The following BFSP2 variants were observed in gnomAD, a reference collection of about 807,000 sequenced individuals.
BFSP2 encodes beaded filament structural protein 2.
In BFSP2, 38 loss-of-function variants were observed where a neutral mutation model predicts 44.9. The observed-to-expected ratio is 0.85, with a 90% CI of 0.65 to 1.11. The LOEUF is 1.11. Ranked by LOEUF, BFSP2 falls within the 50% of genes least tolerant of loss-of-function variation. BFSP2 has a pLI of 0.00. For missense variants in BFSP2, 525 were observed against 533.0 expected (o/e 0.99, Z 0.15); for synonymous variants, 197 against 209.9 (o/e 0.94, Z 0.53).
intron 1 of BFSP2, among the ~76,000 whole-genome samples, chr3:133,401,173 G>A (rs1022606304): frequency 6.6e-6 from 1 of 152,184 alleles, no homozygotes; most frequent in Non-Finnish European, 1.5e-5. Context: ...AGCAGGTGAA[G>A]TTAATATTAT....
At position 133,447,409 on chromosome 3, in the gene BFSP2, T is replaced by TA. The variant is rs779134190; in HGVS notation, c.572+11dup. ...ATGACTTTAAAGAGAGGTAATGTCT[T>TA]ACAGCAGAGGCGACAGTCCCTCCAC... is the stretch of plus-strand genomic sequence containing the variant. On this transcript the variant is annotated intron_variant, in intron 2 of 6. Transcript: ENST00000302334. 1.1e-4 allele frequency: 176 copies of TA among 1,613,202 alleles called. No individual in the cohort carries two copies. The highest frequency in any genetic ancestry group is 4.9e-4 in the Middle Eastern group (3 of 6,076).
chr3:133,430,759 CT>C (rs1243087141), intron 1 of BFSP2, among the ~76,000 whole-genome samples: 1 of 152,096 alleles, frequency 6.6e-6, no homozygotes. Context: ...CCAAGCGTCG[CT>C]GAGTCTTTCT....
chr3:133,417,769 C>G (rs2073555175), intron 1 of BFSP2, among the ~76,000 whole-genome samples: 1 of 144,144 alleles, frequency 6.9e-6, no homozygotes, highest in African/African-American at 2.6e-5. Flanking sequence ...TCTGTCACCT[C>G]TCCTCTATTC....
chr3:133,465,087 C>A (rs2074098074), intron 4 of BFSP2, among the ~76,000 whole-genome samples: 1 of 150,978 alleles, frequency 6.6e-6, no homozygotes, highest in Admixed American at 6.6e-5. Flanking sequence ...CTCACTGCAA[C>A]CTCCGCCTCC....
intron 1 of BFSP2, among the ~76,000 whole-genome samples, chr3:133,430,424 CCTGA>C (rs1247297715): frequency 1.3e-5 from 2 of 151,892 alleles, no homozygotes; most frequent in East Asian, 3.9e-4. Context: ...CCTGTTGTTT[CCTGA>C]CTTTTTAATG....
Position 133,450,432 on chromosome 3 carries a change from C to G in BFSP2, c.859C>G (p.Arg287Gly). ...GTGGGAGAGAGATGTTGAAAAGAAC[C>G]GGGTGGAGGCAGGAGCCCTGCTCCA... ...IQWERDVEKN[R>G]VEAGALLQAK... Residue 287 changes from arginine (R) to glycine (G), a missense_variant, in exon 4 of 7, where the codon CGG becomes GGG. Coordinates refer to ENST00000302334, the MANE Select transcript of BFSP2 (RefSeq NM_003571.4). 6.2e-7 allele frequency: 1 copy of G among 1,613,976 alleles called. No homozygotes were observed. Among genetic ancestry groups the G allele is most frequent in the Non-Finnish European group, 8.5e-7 (1 of 1,179,978 alleles).
rs764739383 is a variant in BFSP2, at chr3:133,400,327, A to C, written c.244A>C (p.Ser82Arg). The change falls in exon 1 of 7, where the codon AGT becomes CGT. Residue 82 changes from serine (S) to arginine (R), a missense_variant. By Grantham distance (110) the Ser-to-Arg change is moderately radical. Transcript: ENST00000302334. This position sits in a 1 kb window ranked among gnomAD's most constrained non-coding sequence, Gnocchi z 4.0. ...GACCCGCCGGGCCCTCGGCATCAGC[A>C]GTGTCTTCCTTCAGGGCCTGCGGAG... is the stretch of plus-strand genomic sequence containing the variant. ...RVTRRALGISSVFLQGLRSSG... is the reference protein window; with the variant it reads ...RVTRRALGISRVFLQGLRSSG... 6.2e-7 allele frequency: 1 copy of C among 1,613,996 alleles called. No homozygotes were observed. The highest frequency in any genetic ancestry group is 8.5e-7 in the Non-Finnish European group (1 of 1,180,028).
At chr3:133,435,969 C>G (rs2073777261) in intron 1 of BFSP2, among the ~76,000 whole-genome samples, 1 of 152,106 alleles carries the variant, frequency 6.6e-6, no homozygotes, top group African/African-American at 2.4e-5. Context: ...GGGGCTCTTT[C>G]CAAACTGATG....
chr3:133,401,101 A>G (rs1237470588), intron 1 of BFSP2, among the ~76,000 whole-genome samples: 2 of 152,230 alleles, frequency 1.3e-5, no homozygotes, highest in East Asian at 3.8e-4. Flanking sequence ...TGTTCAATAG[A>G]AATATGAACT....
chr3:133,466,030 C>T (rs1034439317), intron 4 of BFSP2, among the ~76,000 whole-genome samples: 1 of 152,174 alleles, frequency 6.6e-6, no homozygotes, highest in Admixed American at 6.5e-5. Context: ...AGAATGTACT[C>T]AATTTCTATT....
Position 133,475,130 on chromosome 3 carries a change from C to A in BFSP2, c.*158C>A, listed in dbSNP as rs1410287249. The A allele has an allele frequency of 1.0e-6, 1 of 986,298 alleles. No homozygotes were observed. Among genetic ancestry groups the A allele is most frequent in the Non-Finnish European group, 1.6e-6 (1 of 626,452 alleles). The allele number at this position is 986,298 out of a possible 1,614,324, so 61.1% of individuals were successfully genotyped here. On this transcript the variant is annotated 3_prime_UTR_variant, in exon 7 of 7. Coordinates refer to ENST00000302334, the MANE Select transcript of BFSP2 (RefSeq NM_003571.4). Reference sequence around the variant, plus strand: ...CTTCCTGGAAGTGGAGAGGATCCTTCTGCTTTAATCTGAGTAGTCTGTAGC... The same window carrying A: ...CTTCCTGGAAGTGGAGAGGATCCTTATGCTTTAATCTGAGTAGTCTGTAGC...
chr3:133,453,847 A>G (rs774399509), intron 4 of BFSP2, among the ~76,000 whole-genome samples: 3 of 152,238 alleles, frequency 2.0e-5, no homozygotes, highest in Admixed American at 6.5e-5. Context: ...TAAAAGCTTA[A>G]TAAAATAGAG....
intron 1 of BFSP2, among the ~76,000 whole-genome samples, chr3:133,404,451 C>A (rs1409019331): frequency 6.6e-6 from 1 of 152,064 alleles, no homozygotes; most frequent in Non-Finnish European, 1.5e-5. Flanking sequence ...GCACTGAGGT[C>A]GTAATATTCT....
At chr3:133,430,282 G>A (rs1285603346) in intron 1 of BFSP2, among the ~76,000 whole-genome samples, 3 of 151,788 alleles carry the variant, frequency 2.0e-5, no homozygotes, top group East Asian at 3.9e-4. Context: ...GTAACGGGAT[G>A]GCTGGGTCAA....
At chr3:133,469,939 C>A (rs1174923792) in intron 5 of BFSP2, among the ~76,000 whole-genome samples, 7 of 152,212 alleles carry the variant, frequency 4.6e-5, no homozygotes, top group Admixed American at 1.3e-4. Context: ...GATGATCCAA[C>A]CGTGATTCTG....
At chr3:133,444,573 T>C (rs2073879100) in intron 1 of BFSP2, among the ~76,000 whole-genome samples, 1 of 152,158 alleles carries the variant, frequency 6.6e-6, no homozygotes, top group Non-Finnish European at 1.5e-5. Context: ...GTGACTCAGA[T>C]GCAGGAACCA....
chr3:133,415,352 CTA>C (rs1468745865), intron 1 of BFSP2, among the ~76,000 whole-genome samples: 4 of 62,790 alleles, frequency 6.4e-5, no homozygotes, highest in Non-Finnish European at 6.3e-5. Flanking sequence ...CCTCTCCCCT[CTA>C]CTCACCCCTC....
chr3:133,435,426 A>C (rs906765435), intron 1 of BFSP2, among the ~76,000 whole-genome samples: 2 of 152,128 alleles, frequency 1.3e-5, no homozygotes, highest in African/African-American at 4.8e-5. Context: ...TTTGCTAGCC[A>C]TTTCTTTGAT....
chr3:133,435,134 G>A (rs1425361321), intron 1 of BFSP2, among the ~76,000 whole-genome samples: 3 of 152,176 alleles, frequency 2.0e-5, no homozygotes, highest in Non-Finnish European at 2.9e-5. Context: ...TAAGGTGGAC[G>A]CCTAATGATT....
Sources: allele counts gnomAD v4.1 joint callset (sites outside exome capture counted in the v4.1 genomes callset), GRCh38; gene constraint gnomAD v4.1.1; non-coding constraint Gnocchi (gnomAD v3.1); transcripts MANE v1.5; gene names NCBI Gene and HGNC (gene_info 2026-07-23, HGNC 2026-07-21).